The following ACAD9 variants were observed in gnomAD, a reference collection of about 807,000 sequenced individuals.
ACAD9 encodes acyl-CoA dehydrogenase family member 9.
Under a neutral mutation model 70.2 loss-of-function variants are expected in ACAD9, and 53 were observed. The ratio of observed to expected loss-of-function variants is 0.75; its 90% confidence interval spans 0.61 to 0.95. ACAD9 has a LOEUF of 0.95. Ranked by LOEUF, ACAD9 falls within the 40% of genes least tolerant of loss-of-function variation. The pLI, the probability that ACAD9 is intolerant of heterozygous loss-of-function variation, is 0.00. For synonymous variants in ACAD9, 313 were observed against 312.1 expected (o/e 1.00, Z -0.03); for missense variants, 777 against 802.8 (o/e 0.97, Z 0.39).
chr3:128,909,575 T>A, intron 15 of ACAD9, 154 bp downstream of exon 15: 5 of 822,198 alleles, frequency 6.1e-6, no homozygotes, highest in South Asian at 1.5e-5. Context: ...AGGCTGACTT[T>A]GTCAGCCTGG....
In ACAD9 at chr3:128,884,597, C is replaced by T. The variant is rs1485052932; in HGVS notation, c.151-56C>T. ...TTTCCTTCCCTTTTAACTGATATTT[C>T]CGTGATGGGAGTGTGCTAAAAATTA... On this transcript the variant is annotated intron_variant, in intron 1 of 17. Coordinates refer to ENST00000308982, the MANE Select transcript of ACAD9 (RefSeq NM_014049.5). The T allele has an allele frequency of 4.6e-6, 6 of 1,292,536 alleles. No individual in the cohort carries two copies. The Admixed American group carries it at 1.0e-4, about 23-fold the overall frequency. The allele number at this position is 1,292,536 out of a possible 1,614,324, so 80.1% of individuals were successfully genotyped here. A position where few individuals can be genotyped will look rare whatever the true frequency, so the allele number is the denominator to read the frequency against.
intron 2 of ACAD9, among the ~76,000 whole-genome samples, chr3:128,885,635 C>G (rs1287399331): frequency 6.6e-6 from 1 of 152,200 alleles, no homozygotes; most frequent in African/African-American, 2.4e-5. Context: ...TCAAGTGATC[C>G]TCCCACCTTG....
At position 128,895,065 on chromosome 3, in the gene ACAD9, C is replaced by T. The variant is rs376945138; in HGVS notation, c.347-245C>T. Among the ~76,000 whole-genome samples, 23 of 151,454 alleles carry T rather than the reference C, an allele frequency of 1.5e-4. 1 individual carries two copies. The highest frequency in any genetic ancestry group is 4.6e-4 in the Admixed American group (7 of 15,214). ...CTAATTTTTGTATTTTTAGTAGAGA[C>T]GGGGTTTTGCCATGTTGGCCAGGCT... On this transcript the variant is annotated intron_variant, in intron 3 of 17. Coordinates refer to ENST00000308982, the MANE Select transcript of ACAD9 (RefSeq NM_014049.5).
At chr3:128,896,154 C>T (rs1469156887) in intron 4 of ACAD9, among the ~76,000 whole-genome samples, 1 of 152,150 alleles carries the variant, frequency 6.6e-6, no homozygotes. Flanking sequence ...TATCCTTTGC[C>T]CAAGACCACT....
intron 3 of ACAD9, among the ~76,000 whole-genome samples, chr3:128,893,917 C>T (rs993914765): frequency 1.3e-5 from 2 of 152,280 alleles, no homozygotes; most frequent in African/African-American, 2.4e-5. Context: ...CCAGTGGGAA[C>T]CTTTGAGCAG....
chr3:128,888,447 T>C (rs922908519), intron 2 of ACAD9, among the ~76,000 whole-genome samples: 5 of 152,036 alleles, frequency 3.3e-5, no homozygotes, highest in Non-Finnish European at 5.9e-5. Context: ...GGTGTGTTGG[T>C]GCCCACCTGT....
chr3:128,885,224 G>A (rs965663276), intron 2 of ACAD9, among the ~76,000 whole-genome samples: 4 of 152,216 alleles, frequency 2.6e-5, no homozygotes, highest in Non-Finnish European at 5.9e-5. Flanking sequence ...TTTGACCTCA[G>A]GTCCCTCTCT....
chr3:128,905,996 C>A (rs573213220), intron 11 of ACAD9, 125 bp from the exon 12 acceptor site: 1 of 1,296,818 alleles, frequency 7.7e-7, no homozygotes, highest in Non-Finnish European at 1.1e-6. Flanking sequence ...GACCACATCA[C>A]CCCTCAAGTT....
chr3:128,905,809 TG>T (rs1250325364), intron 11 of ACAD9, among the ~76,000 whole-genome samples: 3 of 152,022 alleles, frequency 2.0e-5, no homozygotes, highest in African/African-American at 7.2e-5. Context: ...TCACGGCCGC[TG>T]GGGCTTGGCA....
chr3:128,880,104 T>G, intron 1 of ACAD9: 1 of 1,275,782 alleles, frequency 7.8e-7, no homozygotes, highest in South Asian at 1.4e-5. Flanking sequence ...CGGAAAACTC[T>G]AGGCTAGGTA....
At chr3:128,887,592 G>T (rs1935286673) in intron 2 of ACAD9, among the ~76,000 whole-genome samples, 1 of 148,342 alleles carries the variant, frequency 6.7e-6, no homozygotes, top group Non-Finnish European at 1.5e-5. Flanking sequence ...TGGGCGACAG[G>T]AGTGAGACCC....
intron 1 of ACAD9, among the ~76,000 whole-genome samples, chr3:128,884,392 T>G (rs1252489461): frequency 6.6e-6 from 1 of 152,192 alleles, no homozygotes; most frequent in Non-Finnish European, 1.5e-5. Context: ...TTATCATCCC[T>G]TGTACTGAGA....
chr3:128,887,437 C>T (rs1249170840), intron 2 of ACAD9, among the ~76,000 whole-genome samples: 1 of 151,702 alleles, frequency 6.6e-6, no homozygotes, highest in African/African-American at 2.4e-5. Context: ...GAAACCCTGT[C>T]TCTACTAAAA....
intron 2 of ACAD9, among the ~76,000 whole-genome samples, chr3:128,893,013 T>A (rs1372662792): frequency 6.6e-6 from 1 of 152,068 alleles, no homozygotes; most frequent in East Asian, 1.9e-4. Context: ...AGCACCCAGA[T>A]CAAGAAATAG....
intron 6 of ACAD9, among the ~76,000 whole-genome samples, chr3:128,899,011 G>T (rs774956152): frequency 6.6e-6 from 1 of 152,156 alleles, no homozygotes; most frequent in Non-Finnish European, 1.5e-5. Context: ...GTTGTCTGGC[G>T]GTGGAGCCTG....
chr3:128,909,567 GCTGA>G, intron 15 of ACAD9, 146 bp downstream of exon 15: 2 of 893,090 alleles, frequency 2.2e-6, no homozygotes, highest in East Asian at 2.6e-5. Context: ...GTGAGGTCAG[GCTGA>G]CTTTGTCAGC....
intron 15 of ACAD9, 78 bp downstream of exon 15, chr3:128,909,499 G>A: frequency 7.0e-7 from 1 of 1,429,440 alleles, no homozygotes; most frequent in Non-Finnish European, 9.8e-7. Context: ...TTTTTGTCAA[G>A]CATCCTTTGG....
intron 12 of ACAD9, 111 bp downstream of exon 12, chr3:128,906,360 G>C: frequency 6.7e-7 from 1 of 1,493,036 alleles, no homozygotes; most frequent in South Asian, 1.2e-5. Context: ...TGGGTCGCAT[G>C]CTCTCAGGGG....
chr3:128,902,734 C>A lies in ACAD9; in HGVS notation c.958+106C>A. The A allele has an allele frequency of 7.9e-7, 1 of 1,259,012 alleles. No homozygotes were observed. The highest frequency in any genetic ancestry group is 1.1e-6 in the Non-Finnish European group (1 of 880,138). The allele number at this position is 1,259,012 out of a possible 1,614,324, so 78.0% of individuals were successfully genotyped here. A position where few individuals can be genotyped will look rare whatever the true frequency, so the allele number is the denominator to read the frequency against. On this transcript the variant is annotated intron_variant, in intron 9 of 17. Coordinates refer to ENST00000308982, the MANE Select transcript of ACAD9 (RefSeq NM_014049.5). This position sits in a 1 kb window ranked among gnomAD's most constrained non-coding sequence, Gnocchi z 4.0. ...CGGCCCCTTCCAGGCCAGTGCTGAA[C>A]CAGGCTACCAGCCTGAGCTCAGTCC...
Sources: gnomAD v4.1 joint callset for allele counts (sites outside exome capture counted in the v4.1 genomes callset) on GRCh38, gnomAD v4.1.1 for gene constraint, Gnocchi (gnomAD v3.1) non-coding constraint, MANE v1.5 for transcripts, NCBI Gene and HGNC (gene_info 2026-07-23, HGNC 2026-07-21) for gene names.